The following YPEL2 variants were observed in gnomAD, a reference collection of about 807,000 sequenced individuals.
The protein encoded by YPEL2 is protein yippee-like 2.
Under a neutral mutation model 19.1 loss-of-function variants are expected in YPEL2, and 2 were observed. The observed-to-expected ratio is 0.10, with a 90% CI of 0.04 to 0.33. YPEL2 has a LOEUF of 0.33. Among genes scored for constraint, YPEL2 ranks in the 10% least tolerant of loss-of-function variants. The pLI, the probability that YPEL2 is intolerant of heterozygous loss-of-function variation, is 1.00. For synonymous variants in YPEL2, 52 were observed against 50.0 expected (o/e 1.04, Z -0.17); for missense variants, 66 against 140.7 (o/e 0.47, Z 2.68).
chr17:59,362,280 T>A (rs915149630), intron 2 of YPEL2, among the ~76,000 whole-genome samples: 2 of 151,392 alleles, frequency 1.3e-5, no homozygotes, highest in South Asian at 2.1e-4. Flanking sequence ...TTTTTTTTTT[T>A]AATTGTGTTT....
intron 1 of YPEL2, among the ~76,000 whole-genome samples, chr17:59,337,489 G>A (rs984062255): frequency 6.6e-5 from 10 of 151,960 alleles, no homozygotes; most frequent in Non-Finnish European, 1.5e-5. Flanking sequence ...GCGCCCGGCC[G>A]GGAGAAATTC....
intron 4 of YPEL2, among the ~76,000 whole-genome samples, chr17:59,395,077 TGGGGAG>T (rs1356993141): frequency 1.1e-4 from 16 of 152,174 alleles, no homozygotes; most frequent in Admixed American, 1.0e-3. Flanking sequence ...AGGGAGACCG[TGGGGAG>T]AGGGAGAGGG....
intron 1 of YPEL2, among the ~76,000 whole-genome samples, chr17:59,341,931 C>A (rs559664258): frequency 2.0e-5 from 3 of 152,212 alleles, no homozygotes; most frequent in Non-Finnish European, 4.4e-5. Flanking sequence ...ATTCCCAGAA[C>A]AAAATAACTT....
At chr17:59,346,234 A>G (rs917982877) in intron 1 of YPEL2, among the ~76,000 whole-genome samples, 3 of 152,128 alleles carry the variant, frequency 2.0e-5, no homozygotes, top group Non-Finnish European at 4.4e-5. Context: ...TTCTTCACAG[A>G]TGTTGGGACA....
rs1598059433 is a variant in YPEL2, at chr17:59,399,857, C to T, written c.*2667C>T. 6.6e-6 allele frequency: 1 copy of T among 152,586 alleles called. No homozygotes were observed. Among genetic ancestry groups the T allele is most frequent in the East Asian group, 1.9e-4 (1 of 5,204 alleles). The allele number at this position is 152,586 out of a possible 1,614,324, so 9.5% of individuals were successfully genotyped here. On this transcript the variant is annotated 3_prime_UTR_variant, in exon 5 of 5. Coordinates refer to ENST00000312655, the MANE Select transcript of YPEL2 (RefSeq NM_001005404.4). ...CATAACCAAAGACCTCATTCATTCA[C>T]CCCAGGTGGGTTGGGGTAATTGGAG...
Position 59,399,087 on chromosome 17 carries a change from A to G in YPEL2, c.*1897A>G, listed in dbSNP as rs1226869659. On this transcript the variant is annotated 3_prime_UTR_variant, in exon 5 of 5. Transcript: ENST00000312655. The stretch of plus-strand genomic sequence containing the variant: ...CAAGTTGTTCTCCCCACTTTACTGC[A>G]AGGTAGACTGAAGTTCAGAAGAAAT... 1.3e-5 allele frequency: 2 copies of G among 152,584 alleles called. No homozygotes were observed. Among genetic ancestry groups the G allele is most frequent in the African/African-American group, 4.8e-5 (2 of 41,454 alleles). 9.5% of individuals were successfully genotyped at this position (152,584 alleles called of 1,614,324 possible).
intron 2 of YPEL2, among the ~76,000 whole-genome samples, chr17:59,359,428 A>C (rs931702675): frequency 2.6e-5 from 4 of 152,156 alleles, no homozygotes; most frequent in African/African-American, 9.7e-5. Flanking sequence ...CTACTGTGTC[A>C]CATCAGACAG....
chr17:59,387,038 A>G (rs1304527261), intron 2 of YPEL2, among the ~76,000 whole-genome samples: 1 of 152,064 alleles, frequency 6.6e-6, no homozygotes, highest in Non-Finnish European at 1.5e-5. Context: ...AGGCGGGTGG[A>G]TCACCAAGGT....
At chr17:59,333,619 TC>T (rs1255736631) in intron 1 of YPEL2, among the ~76,000 whole-genome samples, 2 of 152,152 alleles carry the variant, frequency 1.3e-5, no homozygotes, top group African/African-American at 4.8e-5. Context: ...GGTTTTTTTT[TC>T]TACTTCATTT....
At chr17:59,350,707 A>G (rs1183967923) in intron 1 of YPEL2, among the ~76,000 whole-genome samples, 1 of 152,244 alleles carries the variant, frequency 6.6e-6, no homozygotes, top group Non-Finnish European at 1.5e-5. Context: ...AGAAACTTCT[A>G]CCTGTAAACT....
chr17:59,373,412 T>G (rs528517757), intron 2 of YPEL2, among the ~76,000 whole-genome samples: 51 of 152,204 alleles, frequency 3.4e-4, no homozygotes, highest in Non-Finnish European at 6.5e-4. Flanking sequence ...CCCTCTGCTG[T>G]GATCAGCCCT....
intron 2 of YPEL2, among the ~76,000 whole-genome samples, chr17:59,374,118 C>G (rs182366503): frequency 6.6e-6 from 1 of 152,246 alleles, no homozygotes; most frequent in Admixed American, 6.5e-5. Flanking sequence ...TTCAGAGTAT[C>G]GGGGTTCTAG....
At chr17:59,335,138 G>A (rs1308076023) in intron 1 of YPEL2, among the ~76,000 whole-genome samples, 1 of 152,220 alleles carries the variant, frequency 6.6e-6, no homozygotes, top group African/African-American at 2.4e-5. Flanking sequence ...GCCAGGGCCT[G>A]CAGGCTAAAG....
At chr17:59,380,197 A>G (rs1345547239) in intron 2 of YPEL2, among the ~76,000 whole-genome samples, 1 of 152,120 alleles carries the variant, frequency 6.6e-6, no homozygotes, top group Non-Finnish European at 1.5e-5. Context: ...AAAGCTGCAT[A>G]ATAGAAACAT....
At chr17:59,347,470 A>T (rs2047762074) in intron 1 of YPEL2, among the ~76,000 whole-genome samples, 1 of 152,072 alleles carries the variant, frequency 6.6e-6, no homozygotes, top group Non-Finnish European at 1.5e-5. Context: ...CTTTCTGAAA[A>T]CTTTAAGAGT....
intron 4 of YPEL2, 58 bp from the exon 5 acceptor site, chr17:59,397,043 A>G: frequency 7.0e-7 from 1 of 1,436,064 alleles, no homozygotes; most frequent in Non-Finnish European, 9.5e-7. Context: ...AAGAAAAAAA[A>G]AATCATTTTC....
intron 2 of YPEL2, chr17:59,354,191 G>C (rs1377799949): frequency 6.5e-6 from 1 of 154,084 alleles, no homozygotes; most frequent in African/African-American, 2.4e-5. Flanking sequence ...CAGTTGTGCA[G>C]TTCAGGAAAT....
intron 4 of YPEL2, among the ~76,000 whole-genome samples, chr17:59,394,136 C>CG (rs1292207946): frequency 2.0e-5 from 3 of 149,856 alleles, no homozygotes; most frequent in Non-Finnish European, 1.5e-5. Context: ...GCTGGCCAGG[C>CG]GGGGGGCTGA....
chr17:59,340,192 C>T (rs1452189343), intron 1 of YPEL2, among the ~76,000 whole-genome samples: 3 of 151,708 alleles, frequency 2.0e-5, no homozygotes, highest in African/African-American at 7.3e-5. Context: ...ACTGCAATCT[C>T]CACCCCCCCA....
Sources: gnomAD v4.1 joint callset for allele counts (sites outside exome capture counted in the v4.1 genomes callset) on GRCh38, gnomAD v4.1.1 for gene constraint, MANE v1.5 for transcripts, NCBI Gene and HGNC (gene_info 2026-07-23, HGNC 2026-07-21) for gene names.